CACNA2D1: variants seen among roughly 807,000 people sequenced by gnomAD.
CACNA2D1 encodes voltage-dependent calcium channel subunit alpha-2/delta-1.
Under a neutral mutation model 171.5 loss-of-function variants are expected in CACNA2D1, and 53 were observed. That is an observed-to-expected ratio of 0.31 (90% CI 0.25 to 0.39). CACNA2D1 has a LOEUF of 0.39. Ranked by LOEUF, CACNA2D1 falls within the 10% of genes least tolerant of loss-of-function variation. The pLI is 1.00. For synonymous variants in CACNA2D1, 442 were observed against 443.1 expected, an observed-to-expected ratio of 1.00 and a Z score of 0.03; for missense variants, 903 against 1,299.8, an observed-to-expected ratio of 0.69 and a Z score of 4.69.
chr7:82,332,508 T>TTAAAGAAAGAA (rs1554514790), intron 3 of CACNA2D1, among the ~76,000 whole-genome samples: 2 of 34,602 alleles, frequency 5.8e-5, no homozygotes, highest in South Asian at 1.4e-3. Flanking sequence ...AAAAAAGAAA[T>TTAAAGAAAGAA]ATAAAGAAAG....
At chr7:82,151,987 C>T (rs918313005) in intron 4 of CACNA2D1, among the ~76,000 whole-genome samples, 14 of 151,990 alleles carry the variant, frequency 9.2e-5, no homozygotes, top group Admixed American at 2.6e-4. Flanking sequence ...CTTTCATGGA[C>T]TGTTTAGTAA....
chr7:81,977,433 G>A (rs887318971), intron 24 of CACNA2D1, among the ~76,000 whole-genome samples: 17 of 151,912 alleles, frequency 1.1e-4, no homozygotes, highest in African/African-American at 2.2e-4. Flanking sequence ...CAGAAATAAC[G>A]CCACACATCT....
chr7:81,977,198 A>C (rs1404500938), intron 24 of CACNA2D1, among the ~76,000 whole-genome samples: 1 of 152,136 alleles, frequency 6.6e-6, no homozygotes, highest in Non-Finnish European at 1.5e-5. Context: ...TGTCACAAAT[A>C]TCTCTTATTA....
At chr7:82,104,851 A>G (rs1813130435) in intron 6 of CACNA2D1, among the ~76,000 whole-genome samples, 1 of 152,106 alleles carries the variant, frequency 6.6e-6, no homozygotes, top group Non-Finnish European at 1.5e-5. Context: ...ATTCTTCATT[A>G]AAATGATTAT....
At chr7:82,139,702 T>G (rs1336337032) in intron 4 of CACNA2D1, among the ~76,000 whole-genome samples, 1 of 152,020 alleles carries the variant, frequency 6.6e-6, no homozygotes, top group Non-Finnish European at 1.5e-5. Context: ...CAAATATATA[T>G]TAGTTATAAA....
chr7:82,133,023 T>C (rs534688923), intron 5 of CACNA2D1, among the ~76,000 whole-genome samples: 2 of 152,192 alleles, frequency 1.3e-5, no homozygotes, highest in Non-Finnish European at 2.9e-5. Context: ...CTCAGGTTGA[T>C]TTGACATGAT....
At chr7:82,357,272 T>C (rs1232982269) in intron 1 of CACNA2D1, among the ~76,000 whole-genome samples, 2 of 152,122 alleles carry the variant, frequency 1.3e-5, no homozygotes, top group Non-Finnish European at 2.9e-5. Flanking sequence ...ACGAAAAAAA[T>C]ATGGTAATCC....
In CACNA2D1 at chr7:82,137,707, TAAAAAA is replaced by T. The variant is rs1174278503; in HGVS notation, c.355-1037_355-1032del. On this transcript the variant is annotated intron_variant, in intron 4 of 38. Coordinates refer to ENST00000356860, the MANE Select transcript of CACNA2D1 (RefSeq NM_000722.4). Reference sequence around the variant, plus strand: ...TAATACAGTGAAACTCCGTCTCTACTAAAAAAAAAAAAAAAAAAAAAAATTAGCCGG... The same window carrying T: ...TAATACAGTGAAACTCCGTCTCTACTAAAAAAAAAAAAAAAAATTAGCCGG... Among the ~76,000 whole-genome samples the T allele has an allele frequency of 3.0e-4, 24 of 78,830 alleles. 1 individual carries two copies. The highest frequency in any genetic ancestry group is 3.4e-4 in the Non-Finnish European group (14 of 41,364). 51.7% of individuals were successfully genotyped at this position (78,830 alleles called of 152,430 possible).
intron 6 of CACNA2D1, among the ~76,000 whole-genome samples, chr7:82,092,493 C>G (rs756141650): frequency 3.6e-4 from 55 of 151,486 alleles, no homozygotes; most frequent in Non-Finnish European, 5.2e-4. Context: ...CTGCCTCAGC[C>G]TCCCGAGTAA....
chr7:82,298,042 T>C (rs1208635778), intron 3 of CACNA2D1, among the ~76,000 whole-genome samples: 1 of 152,276 alleles, frequency 6.6e-6, no homozygotes, highest in African/African-American at 2.4e-5. Context: ...CATCACTAAC[T>C]AGAAAATGTT....
chr7:82,364,191 C>A (rs1402722328), intron 1 of CACNA2D1, among the ~76,000 whole-genome samples: 3 of 152,140 alleles, frequency 2.0e-5, no homozygotes, highest in African/African-American at 2.4e-5. Flanking sequence ...TCATTGCACT[C>A]CAGCCTGGGT....
chr7:82,366,390 C>A (rs1821712643), intron 1 of CACNA2D1, among the ~76,000 whole-genome samples: 1 of 152,142 alleles, frequency 6.6e-6, no homozygotes, highest in African/African-American at 2.4e-5. Context: ...TATCCCAACT[C>A]TAGTAATCTT....
chr7:82,233,533 T>C (rs2129282154), intron 3 of CACNA2D1, among the ~76,000 whole-genome samples: 1 of 152,286 alleles, frequency 6.6e-6, no homozygotes, highest in African/African-American at 2.4e-5. Flanking sequence ...TAATTTCTGC[T>C]ACCTCTTCCA....
chr7:82,370,572 T>TGGATGGATGGATGGAC (rs35737652), intron 1 of CACNA2D1, among the ~76,000 whole-genome samples: 33,671 of 151,084 alleles, frequency 0.22, 3,869 homozygotes, highest in South Asian at 0.34. Context: ...GATGGATGGA[T>TGGATGGATGGATGGAC]GGATGGATAG....
intron 2 of CACNA2D1, among the ~76,000 whole-genome samples, chr7:82,341,709 T>C (rs753772146): frequency 6.6e-6 from 1 of 152,122 alleles, no homozygotes; most frequent in Non-Finnish European, 1.5e-5. Flanking sequence ...TATGAAACTA[T>C]AGGTAATCAT....
intron 3 of CACNA2D1, among the ~76,000 whole-genome samples, chr7:82,209,232 C>T (rs1167067354): frequency 1.3e-5 from 2 of 152,176 alleles, no homozygotes; most frequent in Non-Finnish European, 2.9e-5. Flanking sequence ...CATGGAGTCT[C>T]AGTGCAGTAG....
chr7:82,386,585 T>A (rs1374427293), intron 1 of CACNA2D1, among the ~76,000 whole-genome samples: 1 of 151,662 alleles, frequency 6.6e-6, no homozygotes, highest in African/African-American at 2.4e-5. Flanking sequence ...ATACAAAAAT[T>A]AGCCAGGCGT....
intron 4 of CACNA2D1, among the ~76,000 whole-genome samples, chr7:82,145,318 TTATA>T (rs1016752434): frequency 2.4e-3 from 354 of 144,754 alleles, no homozygotes; most frequent in African/African-American, 8.2e-3. Context: ...AAAATATAAA[TTATA>T]TATAAATTGT....
chr7:82,443,317 C>G, intron 1 of CACNA2D1, 48 bp downstream of exon 1: 2 of 1,560,726 alleles, frequency 1.3e-6, no homozygotes, highest in Non-Finnish European at 1.7e-6. Flanking sequence ...ACCCCCAACT[C>G]CCGCGGCGCC....
Sources: gnomAD v4.1 joint callset for allele counts (sites outside exome capture counted in the v4.1 genomes callset) on GRCh38, gnomAD v4.1.1 for gene constraint, MANE v1.5 for transcripts, NCBI Gene and HGNC (gene_info 2026-07-23, HGNC 2026-07-21) for gene names.